The following LAMA4 variants were observed in gnomAD, a reference collection of about 807,000 sequenced individuals.
LAMA4 encodes the protein laminin subunit alpha 4, also known as laminin subunit alpha-4.
A neutral mutation model predicts 207.1 loss-of-function variants in LAMA4; 127 were observed. The ratio of observed to expected loss-of-function variants is 0.61; its 90% confidence interval spans 0.53 to 0.71. The LOEUF (loss-of-function observed/expected upper bound fraction) is 0.71, where lower values mean the gene tolerates loss of function less well. Ranked by LOEUF, LAMA4 falls within the 30% of genes least tolerant of loss-of-function variation. The probability of loss-of-function intolerance (pLI) is 0.00; values close to 1 mark genes in which losing one functional copy is unlikely to be tolerated. For missense variants in LAMA4, 2,093 were observed against 2,246.5 expected (o/e 0.93, Z 1.38); for synonymous variants, 761 against 816.0 (o/e 0.93, Z 1.15).
In LAMA4 at chr6:112,109,650, G is replaced by GTGTATTGTAGCTGTCTTTCAAGGCT. The variant is rs199529261; in HGVS notation, c.5327-69_5327-68insAGCCTTGAAAGACAGCTACAATACA. ...ATTCCAAGCCCAAATATTACTTCCT[G>GTGTATTGTAGCTGTCTTTCAAGGCT]GTAAAAGTATACATATTTGCTCATA... is the stretch of plus-strand genomic sequence containing the variant. On this transcript the variant is annotated intron_variant, in intron 38 of 38. Coordinates refer to ENST00000230538, the MANE Select transcript of LAMA4 (RefSeq NM_001105206.3). The GTGTATTGTAGCTGTCTTTCAAGGCT allele has an allele frequency of 3.8e-5, 56 of 1,491,218 alleles. 1 individual carries two copies. In the African/African-American group the frequency reaches 7.0e-4, roughly 19 times the overall value. The allele number at this position is 1,491,218 out of a possible 1,614,324, so 92.4% of individuals were successfully genotyped here. A position where few individuals can be genotyped will look rare whatever the true frequency, so the allele number is the denominator to read the frequency against.
chr6:112,172,854 T>C (rs1218733713), intron 11 of LAMA4, 50 bp from the exon 12 acceptor site: 6 of 1,507,278 alleles, frequency 4.0e-6, no homozygotes, highest in Non-Finnish European at 5.5e-6. Context: ...CCTGTTCGCT[T>C]CCATTCCTCC....
chr6:112,117,674 T>G lies in LAMA4; in HGVS notation c.4981+65A>C. Reference sequence around the variant, plus strand: ...TAAGTTTTAACTCTGGGCCTGATATTCCCTGTTAGCCATCTCCAGGAAGAA... The same window carrying G: ...TAAGTTTTAACTCTGGGCCTGATATGCCCTGTTAGCCATCTCCAGGAAGAA... On this transcript the variant is annotated intron_variant, in intron 35 of 38. Transcript: ENST00000230538. The surrounding 1 kb of genome is among the most constrained non-coding windows in gnomAD (Gnocchi z 4.5). The G allele has an allele frequency of 6.7e-7, 1 of 1,497,924 alleles. No individual in the cohort carries two copies. Among genetic ancestry groups the G allele is most frequent in the Non-Finnish European group, 9.3e-7 (1 of 1,077,336 alleles). The allele number at this position is 1,497,924 out of a possible 1,614,324, so 92.8% of individuals were successfully genotyped here.
chr6:112,115,873 T>A lies in LAMA4; in HGVS notation c.5102A>T (p.Lys1701Ile). Residue 1701 changes from lysine to isoleucine, a missense_variant, in exon 36 of 39, where the codon AAA becomes ATA. Physicochemically the swap from Lys to Ile is moderately radical, Grantham distance 102. Transcript: ENST00000230538. ...VNGEYLNVHM[K>I]NGQVIVKVNN... ...TTTTTCAGACACTACCTGTCCATTT[T>A]TCATGTGAACATTTAGGTACTCCCC... 1.2e-6 allele frequency: 2 copies of A among 1,613,350 alleles called. No individual in the cohort carries two copies. Among genetic ancestry groups the A allele is most frequent in the Non-Finnish European group, 1.7e-6 (2 of 1,179,426 alleles).
chr6:112,164,834 T>C (rs1554339444), intron 13 of LAMA4, among the ~76,000 whole-genome samples: 1 of 152,208 alleles, frequency 6.6e-6, no homozygotes, highest in African/African-American at 2.4e-5. Flanking sequence ...TCCACTATAT[T>C]CAGTGGCGCA....
chr6:112,169,869 C>T (rs1025229459), intron 12 of LAMA4, among the ~76,000 whole-genome samples: 2 of 152,250 alleles, frequency 1.3e-5, no homozygotes, highest in Non-Finnish European at 2.9e-5. Context: ...ATAGGCAACA[C>T]TGTCCTCTTG....
chr6:112,172,827 G>A (rs1554342441), intron 11 of LAMA4, 23 bp from the exon 12 acceptor site: 1 of 1,596,562 alleles, frequency 6.3e-7, no homozygotes, highest in East Asian at 2.2e-5. Context: ...GGAGATAAAG[G>A]CTCAGTGTGG....
intron 2 of LAMA4, among the ~76,000 whole-genome samples, chr6:112,224,392 C>A (rs887542312): frequency 3.3e-5 from 5 of 152,150 alleles, no homozygotes; most frequent in South Asian, 4.1e-4. Flanking sequence ...TCCAGCAGAT[C>A]TTGAGTGAGA....
At chr6:112,243,224 C>T (rs1786651962) in intron 2 of LAMA4, among the ~76,000 whole-genome samples, 1 of 152,056 alleles carries the variant, frequency 6.6e-6, no homozygotes, top group Non-Finnish European at 1.5e-5. Context: ...GGGTTGGTAA[C>T]CTGTGCTGCA....
At chr6:112,169,316 C>T (rs1192428269) in intron 12 of LAMA4, among the ~76,000 whole-genome samples, 1 of 151,904 alleles carries the variant, frequency 6.6e-6, no homozygotes, top group African/African-American at 2.4e-5. Context: ...AGAGGAGAAC[C>T]CTGGACAAGA....
rs373948834 is a variant in LAMA4 at position 112,201,260 on chromosome 6, G to A, written c.503+348C>T. On this transcript the variant is annotated intron_variant, in intron 5 of 38. Transcript: ENST00000230538. ...TGAGGAAACCTCACTCTTTTCTGGG[G>A]AACACTAATTTTAGTACTATTTCTC... Among the ~76,000 whole-genome samples the A allele has an allele frequency of 2.4e-4, 37 of 152,252 alleles. 1 individual carries two copies. In the East Asian group the frequency reaches 4.2e-3, roughly 17 times the overall value.
intron 27 of LAMA4, 90 bp from the exon 28 acceptor site, chr6:112,132,980 T>C: frequency 7.5e-7 from 1 of 1,340,268 alleles, no homozygotes; most frequent in Non-Finnish European, 1.1e-6. Flanking sequence ...GCCTTGCCTG[T>C]TAATTTCTAC....
intron 38 of LAMA4, 92 bp from the exon 39 acceptor site, chr6:112,109,674 T>C (rs1368114591): frequency 8.1e-7 from 1 of 1,233,108 alleles, no homozygotes; most frequent in Non-Finnish European, 1.2e-6. Context: ...TATTTGCTCA[T>C]ATCATCAATA....
rs149326640 is a variant in LAMA4, at chr6:112,228,721, C to T, written c.196-12252G>A. Among the ~76,000 whole-genome samples, 910 of 152,342 alleles carry T rather than the reference C, an allele frequency of 6.0e-3. 6 individuals are homozygous for T. Among genetic ancestry groups the T allele is most frequent in the African/African-American group, 0.021 (867 of 41,574 alleles). On this transcript the variant is annotated intron_variant, in intron 2 of 38. Coordinates refer to ENST00000230538, the MANE Select transcript of LAMA4 (RefSeq NM_001105206.3). The stretch of plus-strand genomic sequence containing the variant: ...CCATCTTGGGAGTCATGGCTTCTGC[C>T]TGAACAGCCGTGCTGAGGCAGAGAG...
chr6:112,225,118 C>T (rs1785141325), intron 2 of LAMA4, among the ~76,000 whole-genome samples: 1 of 151,944 alleles, frequency 6.6e-6, no homozygotes, highest in African/African-American at 2.4e-5. Flanking sequence ...AATCCCTCCC[C>T]CAATTTTATC....
intron 27 of LAMA4, 72 bp from the exon 28 acceptor site, chr6:112,132,962 T>C: frequency 4.7e-6 from 7 of 1,477,444 alleles, no homozygotes; most frequent in Non-Finnish European, 6.6e-6. Flanking sequence ...ATGTTTCACA[T>C]ACGGAAGGCC....
At chr6:112,143,034 G>A (rs997092106) in intron 19 of LAMA4, among the ~76,000 whole-genome samples, 5 of 152,190 alleles carry the variant, frequency 3.3e-5, no homozygotes, top group African/African-American at 1.2e-4. Context: ...AATTCAGTAA[G>A]TGCATTTCTA....
intron 2 of LAMA4, among the ~76,000 whole-genome samples, chr6:112,246,546 AGTCTCG>A (rs1382710334): frequency 1.4e-5 from 2 of 143,376 alleles, no homozygotes; most frequent in African/African-American, 2.6e-5. Context: ...TTTGAGATAG[AGTCTCG>A]CTCTGTCGCC....
rs1780610791 is a variant in LAMA4, at chr6:112,154,861, C to A, written c.2046G>T (p.Lys682Asn). ...AGTGAAGATATTTACTAGACTCTGC[C>A]TTTGCTTGCAGTTCTCTGGCTTGAT... ...LLNQARELQA[K>N]AESSSDEAVA... The change falls in exon 16 of 39, where the codon AAG (lysine) becomes AAT (asparagine). Residue 682 changes from lysine to asparagine, a missense_variant. Physicochemically the swap from Lys to Asn is moderately conservative, Grantham distance 94. Around this residue, in one of 3 missense-constraint regions of LAMA4, gnomAD observed 1,704 missense variants for 1,788.4 expected, o/e 0.95. Coordinates refer to ENST00000230538, the MANE Select transcript of LAMA4 (RefSeq NM_001105206.3). 6.2e-7 allele frequency: 1 copy of A among 1,604,868 alleles called. No homozygotes were observed. The highest frequency in any genetic ancestry group is 1.3e-5 in the African/African-American group (1 of 74,724).
At chr6:112,179,588 G>T (rs1298000077) in intron 9 of LAMA4, 1 of 157,242 alleles carries the variant, frequency 6.4e-6, no homozygotes, top group Admixed American at 6.5e-5. Flanking sequence ...CTGAGGATAG[G>T]GAAGTGGTTG....
Sources: gnomAD v4.1 joint callset for allele counts (sites outside exome capture counted in the v4.1 genomes callset) on GRCh38, gnomAD v4.1.1 for gene constraint, gnomAD v4.1.1 regional missense constraint, Gnocchi (gnomAD v3.1) non-coding constraint, MANE v1.5 for transcripts, NCBI Gene and HGNC (gene_info 2026-07-23, HGNC 2026-07-21) for gene names.